IL12RB1: variants seen among roughly 807,000 people sequenced by gnomAD.
IL12RB1 encodes interleukin-12 receptor subunit beta-1.
A neutral mutation model predicts 94.4 loss-of-function variants in IL12RB1; 64 were observed. The observed-to-expected ratio is 0.68, with a 90% CI of 0.55 to 0.83. The LOEUF (loss-of-function observed/expected upper bound fraction) is 0.83, where lower values mean the gene tolerates loss of function less well. Among genes scored for constraint, IL12RB1 ranks in the 40% least tolerant of loss-of-function variants. IL12RB1 has a pLI of 0.00. For missense variants in IL12RB1, 814 were observed against 855.6 expected (o/e 0.95, Z 0.61); for synonymous variants, 362 against 355.5 (o/e 1.02, Z -0.21).
intron 12 of IL12RB1, among the ~76,000 whole-genome samples, chr19:18,065,308 C>T (rs575799824): frequency 6.6e-6 from 1 of 152,278 alleles, no homozygotes; most frequent in African/African-American, 2.4e-5. Flanking sequence ...AGACAGTCAT[C>T]CCTGCTTGAT....
intron 4 of IL12RB1, among the ~76,000 whole-genome samples, chr19:18,078,835 T>A (rs2035671484): frequency 6.6e-6 from 1 of 152,124 alleles, no homozygotes; most frequent in Admixed American, 6.6e-5. Flanking sequence ...TTTTATATCA[T>A]TGTATAAATT....
chr19:18,083,342 G>T, intron 2 of IL12RB1, 90 bp downstream of exon 2: 1 of 1,196,372 alleles, frequency 8.4e-7, no homozygotes, highest in Non-Finnish European at 1.3e-6. Context: ...TCTTTGGCCT[G>T]GTGGTGGAGG....
rs201846511 is a variant in IL12RB1, at chr19:18,061,143, A to C, written c.1770T>G (p.Ile590Met). 77 of 1,598,836 alleles carry C rather than the reference A, an allele frequency of 4.8e-5. No individual in the cohort carries two copies. Among genetic ancestry groups the C allele is most frequent in the Non-Finnish European group, 5.6e-5 (65 of 1,169,940 alleles). ...PLPTPCASSA[I>M]EFPGGKETWQ... Reference sequence around the variant, plus strand: ...TTACCTCCTTCCCTCCAGGGAACTCAATGGCGGAGCTGGCACAGGGTGTGG... The same window carrying C: ...TTACCTCCTTCCCTCCAGGGAACTCCATGGCGGAGCTGGCACAGGGTGTGG... The change falls in exon 15 of 17, where the codon ATT (isoleucine) becomes ATG (methionine). Residue 590 changes from isoleucine to methionine, a missense_variant. Coordinates refer to ENST00000593993, the MANE Select transcript of IL12RB1 (RefSeq NM_005535.3).
chr19:18,090,762 G>C (rs2146557399), upstream of IL12RB1: 1 of 152,640 alleles, frequency 6.6e-6, no homozygotes, highest in East Asian at 1.9e-4. Flanking sequence ...GCCTCTGCCT[G>C]GCAGCTGCTG....
intron 1 of IL12RB1, 103 bp downstream of exon 1, chr19:18,086,657 C>A (rs2036361874): frequency 1.8e-6 from 2 of 1,129,646 alleles, no homozygotes; most frequent in African/African-American, 3.1e-5. Flanking sequence ...GACTGAGGCA[C>A]AGAGAGATGA....
chr19:18,064,145 T>C (rs2034390765), intron 12 of IL12RB1, 135 bp from the exon 13 acceptor site: 2 of 598,968 alleles, frequency 3.3e-6, no homozygotes, highest in Non-Finnish European at 2.9e-6. Context: ...TTTCTTTTTT[T>C]TTTTTTTTTT....
In IL12RB1 at chr19:18,067,326, G is replaced by GAAA. The variant is rs57327846; in HGVS notation, c.1328-632_1328-630dup. Among the ~76,000 whole-genome samples, 507 of 82,512 alleles carry GAAA rather than the reference G, an allele frequency of 6.1e-3. 11 individuals are homozygous for GAAA. The highest frequency in any genetic ancestry group is 0.014 in the South Asian group (26 of 1,840). The allele number at this position is 82,512 out of a possible 152,430, so 54.1% of individuals were successfully genotyped here. A position where few individuals can be genotyped will look rare whatever the true frequency, so the allele number is the denominator to read the frequency against. ...GCCACAGAGAGTGACTCTGTCTCAA[G>GAAA]AAAAAAAAAAAAAAAAAAAAAAAAG... On this transcript the variant is annotated intron_variant, in intron 11 of 16. Transcript: ENST00000593993.
At chr19:18,064,293 C>A (rs1270042290) in intron 12 of IL12RB1, among the ~76,000 whole-genome samples, 4 of 151,658 alleles carry the variant, frequency 2.6e-5, no homozygotes, top group Admixed American at 6.6e-5. Flanking sequence ...GCGCCCGCCA[C>A]CACGCCCAGC....
intron 3 of IL12RB1, among the ~76,000 whole-genome samples, chr19:18,081,704 C>T (rs1056396349): frequency 6.6e-6 from 1 of 151,842 alleles, no homozygotes; most frequent in African/African-American, 2.4e-5. Context: ...CCTATAGTCC[C>T]AGCTACTCAG....
intron 1 of IL12RB1, among the ~76,000 whole-genome samples, chr19:18,094,160 G>A (rs1405752178): frequency 3.3e-5 from 5 of 152,194 alleles, no homozygotes; most frequent in South Asian, 2.1e-4. Context: ...ATGGAGTCTC[G>A]CTCTGTCACC....
In IL12RB1 at chr19:18,059,186, A is replaced by G. The variant is rs1007560820; in HGVS notation, c.*422T>C. 9 of 198,042 alleles carry G rather than the reference A, an allele frequency of 4.5e-5. No individual in the cohort carries two copies. The highest frequency in any genetic ancestry group is 1.0e-5 in the Non-Finnish European group (1 of 95,702). 12.3% of individuals were successfully genotyped at this position (198,042 alleles called of 1,614,324 possible). A position where few individuals can be genotyped will look rare whatever the true frequency, so the allele number is the denominator to read the frequency against. On this transcript the variant is annotated 3_prime_UTR_variant, in exon 17 of 17. Transcript: ENST00000593993. ...TGGGAGGACCGTCATTTTTCCCACAAAGTTTACAGCCCCCTTCCCTATATG... is the reference window on the plus strand; with the variant it reads ...TGGGAGGACCGTCATTTTTCCCACAGAGTTTACAGCCCCCTTCCCTATATG...
At chr19:18,087,852 G>A (rs1457925430), upstream of IL12RB1, among the ~76,000 whole-genome samples, 1 of 152,100 alleles carries the variant, frequency 6.6e-6, no homozygotes, top group African/African-American at 2.4e-5. Flanking sequence ...TGAGACTCAA[G>A]AGCTGAAGGA....
upstream of IL12RB1, among the ~76,000 whole-genome samples, chr19:18,087,690 A>AT (rs547633448): frequency 7.2e-4 from 93 of 130,008 alleles, no homozygotes; most frequent in East Asian, 2.1e-3. Flanking sequence ...TAATTTTTGC[A>AT]TTTTTTTTTT....
chr19:18,069,739 C>G (rs1161005230), intron 9 of IL12RB1, 26 bp from the exon 10 acceptor site: 5 of 1,570,570 alleles, frequency 3.2e-6, no homozygotes, highest in East Asian at 2.2e-5. Flanking sequence ...AGAGACGCAT[C>G]GAGACAGTTG....
At position 18,069,561 on chromosome 19, in the gene IL12RB1, C is replaced by A; in HGVS notation, c.1174G>T (p.Asp392Tyr). ...AGGCCATTACCCATTCCAGCCGGAT[C>A]CGGGTCTTGCGGCGCAGTCAGGCTG... ...TCSLTAPQDP[D>Y]PAGMATYSWS... Residue 392 changes from aspartate (D) to tyrosine (Y), a missense_variant, in exon 10 of 17, where the codon GAT becomes TAT. Physicochemically the swap from Asp to Tyr is radical, Grantham distance 160 (BLOSUM62 -3). Transcript: ENST00000593993. The A allele has an allele frequency of 6.2e-7, 1 of 1,609,840 alleles. No individual in the cohort carries two copies. The highest frequency in any genetic ancestry group is 8.5e-7 in the Non-Finnish European group (1 of 1,179,654).
intron 14 of IL12RB1, among the ~76,000 whole-genome samples, chr19:18,061,526 G>A (rs894219485): frequency 1.3e-5 from 2 of 151,878 alleles, no homozygotes; most frequent in African/African-American, 4.8e-5. Flanking sequence ...CACCGTGCCC[G>A]GCTTGAAAGC....
Position 18,068,520 on chromosome 19 carries a change from T to C in IL12RB1, c.1196A>G (p.Tyr399Cys). The C allele has an allele frequency of 6.2e-7, 1 of 1,611,418 alleles. No individual in the cohort carries two copies. The highest frequency in any genetic ancestry group is 8.5e-7 in the Non-Finnish European group (1 of 1,177,822). The stretch of plus-strand genomic sequence containing the variant: ...TGCCCCAGACTCTCGACTCCAGCTG[T>C]AGGTTGCTGGAAGGATAAGCAAAGG... ...QDPDPAGMAT[Y>C]SWSRESGAMG... is the part of the protein sequence containing the mutation. The change falls in exon 11 of 17, where the codon TAC (tyrosine) becomes TGC (cysteine). Residue 399 changes from tyrosine to cysteine, a missense_variant. Physicochemically the swap from Tyr to Cys is radical, Grantham distance 194 (BLOSUM62 -2). Coordinates refer to ENST00000593993, the MANE Select transcript of IL12RB1 (RefSeq NM_005535.3).
chr19:18,098,767 T>A (rs1053576182), exon 1 of IL12RB1: 8 of 456,628 alleles, frequency 1.8e-5, no homozygotes, highest in African/African-American at 1.6e-4. Context: ...AACGAACATT[T>A]ATGGAGCGCC....
rs921940721 is a variant in IL12RB1 at position 18,061,159 on chromosome 19, C to G, written c.1754G>C (p.Cys585Ser). 1 of 1,603,994 alleles carries G rather than the reference C, an allele frequency of 6.2e-7. No individual in the cohort carries two copies. The highest frequency in any genetic ancestry group is 8.5e-7 in the Non-Finnish European group (1 of 1,174,510). ...AGGGAACTCAATGGCGGAGCTGGCA[C>G]AGGGTGTGGGCAGCGGCGGGCACAG... is the stretch of plus-strand genomic sequence containing the variant. ...RHLCPPLPTPCASSAIEFPGG... is the reference protein window; with the variant it reads ...RHLCPPLPTPSASSAIEFPGG... The change falls in exon 15 of 17, where the codon TGT (cysteine) becomes TCT (serine). Residue 585 changes from cysteine (C) to serine (S), a missense_variant. By Grantham distance (112) the Cys-to-Ser change is moderately radical. Transcript: ENST00000593993.
Sources: allele counts gnomAD v4.1 joint callset (sites outside exome capture counted in the v4.1 genomes callset), GRCh38; gene constraint gnomAD v4.1.1; transcripts MANE v1.5; gene names NCBI Gene and HGNC (gene_info 2026-07-23, HGNC 2026-07-21).